Variants in MAPK4 observed in about 807,000 individuals in gnomAD.
The protein encoded by MAPK4 is Erk3-related.
A neutral mutation model predicts 47.7 loss-of-function variants in MAPK4; 22 were observed. The observed-to-expected ratio is 0.46, with a 90% CI of 0.33 to 0.66. The LOEUF is 0.66. Ranked by LOEUF, MAPK4 falls within the 30% of genes least tolerant of loss-of-function variation. MAPK4 has a pLI of 0.02. For synonymous variants in MAPK4, 390 were observed against 365.7 expected (o/e 1.07, Z -0.76); for missense variants, 736 against 831.7 (o/e 0.88, Z 1.42).
chr18:50,619,727 T>C (rs916277708), intron 1 of MAPK4, among the ~76,000 whole-genome samples: 1 of 152,230 alleles, frequency 6.6e-6, no homozygotes, highest in African/African-American at 2.4e-5. Flanking sequence ...ACTTTCTCAA[T>C]TCAGAGAGCA....
chr18:50,717,051 C>T (rs1910677392), intron 3 of MAPK4, among the ~76,000 whole-genome samples: 1 of 152,196 alleles, frequency 6.6e-6, no homozygotes, highest in Admixed American at 6.5e-5. Context: ...TACGTCATGG[C>T]CTCCCTCTCC....
chr18:50,581,746 T>A (rs2042347269), intron 1 of MAPK4, among the ~76,000 whole-genome samples: 2 of 152,186 alleles, frequency 1.3e-5, no homozygotes, highest in African/African-American at 4.8e-5. Context: ...GTGGGTAGAA[T>A]GTGGTGAAGG....
At chr18:50,594,796 C>A (rs746594205) in intron 1 of MAPK4, among the ~76,000 whole-genome samples, 2 of 152,136 alleles carry the variant, frequency 1.3e-5, no homozygotes, top group Non-Finnish European at 2.9e-5. Flanking sequence ...AATAGGCAAT[C>A]CATAGGCTAG....
chr18:50,582,515 C>G (rs1180912132), intron 1 of MAPK4, among the ~76,000 whole-genome samples: 1 of 152,250 alleles, frequency 6.6e-6, no homozygotes, highest in Admixed American at 6.5e-5. Flanking sequence ...GGTTCTCAAA[C>G]TGTAGTCTGC....
Position 50,664,168 on chromosome 18 carries a change from G to A in MAPK4, c.210G>A (p.Arg70=). The part of the protein sequence containing the change: ...KHALREIKII[R]RLDHDNIVKV... ...CGCTCCGAGAGATCAAGATCATTCG[G>A]CGCCTGGACCACGACAACATCGTCA... Residue 70 remains arginine (R), a synonymous_variant, in exon 2 of 6, where the codon CGG becomes CGA. Coordinates refer to ENST00000400384, the MANE Select transcript of MAPK4 (RefSeq NM_002747.4). The surrounding 1 kb of genome is among the most constrained non-coding windows in gnomAD (Gnocchi z 6.0). The A allele has an allele frequency of 2.5e-6, 4 of 1,614,144 alleles. No individual in the cohort carries two copies. The highest frequency in any genetic ancestry group is 3.4e-6 in the Non-Finnish European group (4 of 1,180,036).
chr18:50,561,180 C>T (rs78842297), intron 1 of MAPK4, among the ~76,000 whole-genome samples: 3,719 of 152,308 alleles, frequency 0.024, 151 homozygotes, highest in African/African-American at 0.084. Context: ...CGTACTGTCA[C>T]GCGCCTCTCC....
intron 1 of MAPK4, among the ~76,000 whole-genome samples, chr18:50,629,035 T>C (rs536198049): frequency 2.0e-5 from 3 of 152,344 alleles, no homozygotes; most frequent in South Asian, 2.1e-4. Flanking sequence ...GTATACCTAA[T>C]GCGGAAGGGT....
chr18:50,684,492 G>T (rs956234596), intron 2 of MAPK4, among the ~76,000 whole-genome samples: 10 of 151,630 alleles, frequency 6.6e-5, no homozygotes, highest in African/African-American at 2.4e-4. Flanking sequence ...GCTACAGTGA[G>T]CCGTAATCAA....
At chr18:50,679,577 CTCA>C (rs1168550043) in intron 2 of MAPK4, among the ~76,000 whole-genome samples, 1 of 152,154 alleles carries the variant, frequency 6.6e-6, no homozygotes. Flanking sequence ...GGTTGAAAAG[CTCA>C]TCTAAGGCCC....
At chr18:50,690,889 G>A (rs1288589655) in intron 2 of MAPK4, among the ~76,000 whole-genome samples, 2 of 152,192 alleles carry the variant, frequency 1.3e-5, no homozygotes, top group Non-Finnish European at 2.9e-5. Context: ...GACTGGCCAG[G>A]AAGTCATAGT....
chr18:50,578,959 A>G (rs73430658), intron 1 of MAPK4, among the ~76,000 whole-genome samples: 6,227 of 152,250 alleles, frequency 0.041, 459 homozygotes, highest in African/African-American at 0.14. Flanking sequence ...GCATGGGCAG[A>G]GGTGAGAGAG....
chr18:50,698,137 C>A (rs1189173412), intron 2 of MAPK4, among the ~76,000 whole-genome samples: 1 of 152,166 alleles, frequency 6.6e-6, no homozygotes, highest in Admixed American at 6.5e-5. Flanking sequence ...TATTTATGAC[C>A]ATCTTTGATC....
intron 1 of MAPK4, among the ~76,000 whole-genome samples, chr18:50,605,017 C>T (rs2042570534): frequency 6.6e-6 from 1 of 152,228 alleles, no homozygotes; most frequent in South Asian, 2.1e-4. Flanking sequence ...TAGTTACAGC[C>T]TGACATTACT....
At chr18:50,665,832 T>C (rs1907571827) in intron 2 of MAPK4, among the ~76,000 whole-genome samples, 2 of 152,110 alleles carry the variant, frequency 1.3e-5, no homozygotes, top group African/African-American at 4.8e-5. Flanking sequence ...CTGTCAAAAC[T>C]GACAGCCAAC....
chr18:50,652,092 A>C (rs1341135547), intron 1 of MAPK4, among the ~76,000 whole-genome samples: 1 of 152,188 alleles, frequency 6.6e-6, no homozygotes, highest in Non-Finnish European at 1.5e-5. Context: ...GTAAGTGGGC[A>C]GTGTTGTTAT....
At chr18:50,565,824 T>C (rs1274353231) in intron 1 of MAPK4, among the ~76,000 whole-genome samples, 1 of 152,232 alleles carries the variant, frequency 6.6e-6, no homozygotes, top group Non-Finnish European at 1.5e-5. Flanking sequence ...GTATGTAGGC[T>C]ATTCCATCTA....
chr18:50,606,349 G>A (rs988997981), intron 1 of MAPK4, among the ~76,000 whole-genome samples: 1 of 151,870 alleles, frequency 6.6e-6, no homozygotes, highest in African/African-American at 2.4e-5. Flanking sequence ...AATACACTAG[G>A]GATTTTGTCT....
chr18:50,602,028 G>T (rs933297482), intron 1 of MAPK4, among the ~76,000 whole-genome samples: 1 of 152,144 alleles, frequency 6.6e-6, no homozygotes, highest in South Asian at 2.1e-4. Context: ...CAACAGCTCA[G>T]TATTTCCTAG....
At chr18:50,601,809 T>C (rs1427156223) in intron 1 of MAPK4, among the ~76,000 whole-genome samples, 1 of 152,236 alleles carries the variant, frequency 6.6e-6, no homozygotes, top group Non-Finnish European at 1.5e-5. Flanking sequence ...TGTGGGTCAC[T>C]GGGCACATTC....
Sources: allele counts gnomAD v4.1 joint callset (sites outside exome capture counted in the v4.1 genomes callset), GRCh38; gene constraint gnomAD v4.1.1; non-coding constraint Gnocchi (gnomAD v3.1); transcripts MANE v1.5; gene names NCBI Gene and HGNC (gene_info 2026-07-23, HGNC 2026-07-21).